The following RAD51AP2 variants were observed in gnomAD, a reference collection of about 807,000 sequenced individuals.
RAD51AP2 encodes the protein RAD51-associated protein 2.
A neutral mutation model predicts 85.5 loss-of-function variants in RAD51AP2; 67 were observed. The observed-to-expected ratio is 0.78, with a 90% CI of 0.64 to 0.96. The LOEUF (loss-of-function observed/expected upper bound fraction) is 0.96. RAD51AP2 is among the 40% of genes least tolerant of loss of function. The pLI is 0.00. For missense variants in RAD51AP2, 1,307 were observed against 1,332.4 expected (o/e 0.98, Z 0.30); for synonymous variants, 474 against 446.5 (o/e 1.06, Z -0.78).
rs747945773 is a variant in RAD51AP2, at chr2:17,515,318, T to C, written c.3098A>G (p.Asp1033Gly). 4 of 1,613,434 alleles carry C rather than the reference T, an allele frequency of 2.5e-6. No homozygotes were observed. The highest frequency in any genetic ancestry group is 1.7e-4 in the Middle Eastern group (1 of 6,058). Residue 1033 changes from aspartate (D) to glycine (G), a missense_variant, in exon 1 of 3, where the codon GAT (aspartate) becomes GGT (glycine). This residue lies in a region of RAD51AP2 where 668 missense variants were observed against 671.0 expected (regional missense o/e 1.00). Coordinates refer to ENST00000399080, the MANE Select transcript of RAD51AP2 (RefSeq NM_001099218.3). Reference protein sequence around the residue: ...NKIRASSSFHDTIAGPNMGKS... With the variant: ...NKIRASSSFHGTIAGPNMGKS... The stretch of plus-strand genomic sequence containing the variant: ...GCCCATATTAGGACCTGCTATAGTA[T>C]CATGGAACGAGGAAGATGCACGTAT...
the RAD51AP2 span, among the ~76,000 whole-genome samples, chr2:17,529,537 G>T: frequency 3.9e-5 from 6 of 152,078 alleles, no homozygotes; most frequent in African/African-American, 1.4e-4. Flanking sequence ...GCTCTATTAT[G>T]AATCAGGAAC....
chr2:17,528,646 C>G, the RAD51AP2 span, among the ~76,000 whole-genome samples: 1 of 152,140 alleles, frequency 6.6e-6, no homozygotes, highest in African/African-American at 2.4e-5. Context: ...AGTTCACGAC[C>G]AGCCTGAGCA....
upstream of RAD51AP2, among the ~76,000 whole-genome samples, chr2:17,519,257 T>C (rs1408879546): frequency 6.6e-6 from 1 of 151,620 alleles, no homozygotes; most frequent in Admixed American, 6.6e-5. Flanking sequence ...TTTTAGACGC[T>C]ATTTCTTGTT....
At chr2:17,525,339 GC>G in the RAD51AP2 span, among the ~76,000 whole-genome samples, 1 of 151,916 alleles carries the variant, frequency 6.6e-6, no homozygotes, top group Admixed American at 6.6e-5. Flanking sequence ...TGTGACCAAG[GC>G]CATGATACCC....
At chr2:17,532,771 GAA>G in the RAD51AP2 span, among the ~76,000 whole-genome samples, 1 of 152,130 alleles carries the variant, frequency 6.6e-6, no homozygotes, top group Admixed American at 6.5e-5. Context: ...ATGTGCATAT[GAA>G]AAGTTATTAA....
intron 1 of RAD51AP2, 33 bp downstream of exon 1, chr2:17,515,136 A>C: frequency 6.7e-7 from 1 of 1,490,522 alleles, no homozygotes; most frequent in Middle Eastern, 1.9e-4. Flanking sequence ...TTTTTCTAGC[A>C]TGAGAAATAA....
At chr2:17,525,191 A>T in the RAD51AP2 span, among the ~76,000 whole-genome samples, 1 of 152,018 alleles carries the variant, frequency 6.6e-6, no homozygotes, top group Non-Finnish European at 1.5e-5. Context: ...AATAGACATT[A>T]TGATATAGTA....
upstream of RAD51AP2, chr2:17,518,527 A>G (rs1247798216): frequency 5.8e-6 from 8 of 1,387,482 alleles, no homozygotes; most frequent in South Asian, 1.4e-5. Context: ...ACCTGGCCTT[A>G]GCCTAATCTC....
the RAD51AP2 span, among the ~76,000 whole-genome samples, chr2:17,525,469 A>C: frequency 6.6e-6 from 1 of 152,074 alleles, no homozygotes; most frequent in East Asian, 1.9e-4. Flanking sequence ...ATGTGCTGTC[A>C]CACAATTCTG....
the RAD51AP2 span, among the ~76,000 whole-genome samples, chr2:17,529,068 A>C: frequency 3.9e-5 from 6 of 152,106 alleles, no homozygotes; most frequent in Admixed American, 2.0e-4. Context: ...TCATCAATCT[A>C]ATCATGTTAT....
At chr2:17,524,191 A>T in the RAD51AP2 span, among the ~76,000 whole-genome samples, 1 of 151,948 alleles carries the variant, frequency 6.6e-6, no homozygotes, top group Non-Finnish European at 1.5e-5. Context: ...ACAATTTGCC[A>T]CACAAAACTA....
Position 17,516,661 on chromosome 2 carries a change from A to G in RAD51AP2, c.1755T>C (p.Ala585=). 6.4e-7 allele frequency: 1 copy of G among 1,570,366 alleles called. No homozygotes were observed. The highest frequency in any genetic ancestry group is 8.6e-7 in the Non-Finnish European group (1 of 1,160,332). The change falls in exon 1 of 3, where the codon GCT becomes GCC. Residue 585 remains alanine, a synonymous_variant. Transcript: ENST00000399080. ...AAGAGTCAAAGTTATTGAGCAAAAAAGCTATGTTAGTTTTCAATAGAATAT... is the reference window on the plus strand; with the variant it reads ...AAGAGTCAAAGTTATTGAGCAAAAAGGCTATGTTAGTTTTCAATAGAATAT... The part of the protein sequence containing the change: ...PLDILLKTNI[A]FLLNNFDSLT...
intron 2 of RAD51AP2, among the ~76,000 whole-genome samples, chr2:17,513,237 CTTTTT>C (rs11394351): frequency 1.8e-5 from 2 of 111,210 alleles, no homozygotes; most frequent in Non-Finnish European, 1.8e-5. Flanking sequence ...TTAGTGTGTG[CTTTTT>C]TTTTTTTTTT....
At chr2:17,531,677 A>G in the RAD51AP2 span, among the ~76,000 whole-genome samples, 1 of 152,240 alleles carries the variant, frequency 6.6e-6, no homozygotes, top group East Asian at 1.9e-4. Flanking sequence ...TGGTACTGTG[A>G]TCAGTATACC....
chr2:17,517,697 T>C lies in RAD51AP2; in HGVS notation c.719A>G (p.Gln240Arg). 6.2e-7 allele frequency: 1 copy of C among 1,613,074 alleles called. No individual in the cohort carries two copies. The change falls in exon 1 of 3, where the codon CAG (glutamine) becomes CGG (arginine). Residue 240 changes from glutamine (Q) to arginine (R), a missense_variant. Physicochemically the swap from Gln to Arg is conservative, Grantham distance 43. Coordinates refer to ENST00000399080, the MANE Select transcript of RAD51AP2 (RefSeq NM_001099218.3). ...SVLKISKSQNQPSLEIAKPSY... is the reference protein window; with the variant it reads ...SVLKISKSQNRPSLEIAKPSY... ...AGGTTTGGCAATTTCCAAGCTGGGC[T>C]GGTTTTGAGATTTTGATATTTTTAG...
In RAD51AP2 at chr2:17,516,961, AT is replaced by A; in HGVS notation, c.1454del (p.Asn485MetfsTer7). 1 of 1,598,510 alleles carries A rather than the reference AT, an allele frequency of 6.3e-7. No individual in the cohort carries two copies. Among genetic ancestry groups the A allele is most frequent in the Non-Finnish European group, 8.5e-7 (1 of 1,175,646 alleles). On this transcript the variant is annotated frameshift_variant, in exon 1 of 3. Coordinates refer to ENST00000399080, the MANE Select transcript of RAD51AP2 (RefSeq NM_001099218.3). LOFTEE classifies it high-confidence loss of function. ...TGTATCTCAACTGTAGAGTATTATC[AT>A]TTTCTCCTTTACCATTTAGCCAAAC... The part of the protein sequence containing the change: ...TTVWLNGKGE[N>X]DNTLQLRYNT...
Position 17,516,800 on chromosome 2 carries a change from T to C in RAD51AP2, c.1616A>G (p.Lys539Arg). 6.4e-7 allele frequency: 1 copy of C among 1,553,492 alleles called. No homozygotes were observed. Among genetic ancestry groups the C allele is most frequent in the Non-Finnish European group, 8.7e-7 (1 of 1,147,148 alleles). ...ILTCCNILKC[K>R]KQIGIIGIQN... The stretch of plus-strand genomic sequence containing the variant: ...AATACCAATTATACCAATTTGCTTT[T>C]TACACTTCAAAATGTTACAGCAGGT... Residue 539 changes from lysine (K) to arginine (R), a missense_variant, in exon 1 of 3, where the codon AAA becomes AGA. Around this residue, in one of 3 missense-constraint regions of RAD51AP2, gnomAD observed 635 missense variants for 643.6 expected, o/e 0.99. Transcript: ENST00000399080.
the RAD51AP2 span, among the ~76,000 whole-genome samples, chr2:17,533,687 G>A: frequency 6.6e-6 from 1 of 152,188 alleles, no homozygotes; most frequent in Non-Finnish European, 1.5e-5. Context: ...GTGAAAGCAG[G>A]AGGATTGCTT....
At position 17,516,552 on chromosome 2, in the gene RAD51AP2, C is replaced by T. The variant is rs765989166; in HGVS notation, c.1864G>A (p.Val622Met). ...ACTAGATATGCAGTATGATTTTCCA[C>T]TATATTTTTTGGATACTTCAAATAA... ...MLYLKYPKNI[V>M]ENHTAYLVKI... Residue 622 changes from valine (V) to methionine (M), a missense_variant, in exon 1 of 3, where the codon GTG becomes ATG. This residue lies in a region of RAD51AP2 where 668 missense variants were observed against 671.0 expected (regional missense o/e 1.00). Coordinates refer to ENST00000399080, the MANE Select transcript of RAD51AP2 (RefSeq NM_001099218.3). 2.5e-6 allele frequency: 4 copies of T among 1,574,306 alleles called. No homozygotes were observed. The East Asian group carries it at 6.7e-5, about 27-fold the overall frequency.
Sources: allele counts gnomAD v4.1 joint callset (sites outside exome capture counted in the v4.1 genomes callset), GRCh38; gene constraint gnomAD v4.1.1; regional missense constraint gnomAD v4.1.1; transcripts MANE v1.5; gene names NCBI Gene and HGNC (gene_info 2026-07-23, HGNC 2026-07-21).